The following ANO4 variants were observed in gnomAD, a reference collection of about 807,000 sequenced individuals.
ANO4 encodes anoctamin 4.
In ANO4, 69 loss-of-function variants were observed where a neutral mutation model predicts 141.9. The ratio of observed to expected loss-of-function variants is 0.49; its 90% CI spans 0.40 to 0.59. ANO4 has a LOEUF of 0.59. Ranked by LOEUF, ANO4 falls within the 20% of genes least tolerant of loss-of-function variation. ANO4 has a pLI of 0.00. For synonymous variants in ANO4, 350 were observed against 394.3 expected, an observed-to-expected ratio of 0.89 and a Z score of 1.33; for missense variants, 894 against 1,162.2, an observed-to-expected ratio of 0.77 and a Z score of 3.36.
intron 22 of ANO4, among the ~76,000 whole-genome samples, chr12:101,103,225 ATAT>A (rs1468339316): frequency 7.2e-4 from 78 of 107,662 alleles, no homozygotes; most frequent in African/African-American, 2.7e-3. Context: ...ATATATATAT[ATAT>A]ATCTTTTTGT....
chr12:100,717,714 G>A (rs1379951177), intron 1 of ANO4, among the ~76,000 whole-genome samples: 1 of 152,258 alleles, frequency 6.6e-6, no homozygotes, highest in Non-Finnish European at 1.5e-5. Context: ...TGTTCCGCGG[G>A]GTTTCGGGCC....
In ANO4 at chr12:101,111,712, TA is replaced by T; in HGVS notation, c.2450+4del. The T allele has an allele frequency of 6.3e-7, 1 of 1,587,256 alleles. No individual in the cohort carries two copies. The highest frequency in any genetic ancestry group is 8.5e-7 in the Non-Finnish European group (1 of 1,170,110). On this transcript the variant is annotated splice_donor_region_variant and intron_variant, in intron 24 of 27. Transcript: ENST00000392977. ...AGGCCAAGGAGAAGCTGGGCAAAAG[TA>T]AGTTTGCTATAAAACCACTATACAG...
intron 1 of ANO4, among the ~76,000 whole-genome samples, chr12:100,723,160 A>T (rs1329683603): frequency 6.6e-6 from 1 of 152,186 alleles, no homozygotes; most frequent in African/African-American, 2.4e-5. Flanking sequence ...AATTAAATTA[A>T]AAAATTTTTT....
At chr12:101,017,717 G>A (rs778576762) in intron 8 of ANO4, among the ~76,000 whole-genome samples, 1 of 152,176 alleles carries the variant, frequency 6.6e-6, no homozygotes, top group Non-Finnish European at 1.5e-5. Context: ...GCTCAGTGAC[G>A]TTGGGTGCAT....
chr12:100,905,751 C>T (rs1356352902), intron 2 of ANO4, among the ~76,000 whole-genome samples: 1 of 152,110 alleles, frequency 6.6e-6, no homozygotes, highest in Non-Finnish European at 1.5e-5. Flanking sequence ...AATAGCAGCT[C>T]TCCAGCAGAT....
At chr12:101,116,594 G>A in intron 24 of ANO4, 85 bp from the exon 25 acceptor site, 1 of 1,590,240 alleles carries the variant, frequency 6.3e-7, no homozygotes, top group Admixed American at 1.7e-5. Flanking sequence ...CAATTGCAGT[G>A]ACGTCTGGGA....
chr12:100,748,491 G>A (rs1457471287), intron 3 of ANO4, among the ~76,000 whole-genome samples: 1 of 152,218 alleles, frequency 6.6e-6, no homozygotes, highest in Non-Finnish European at 1.5e-5. Flanking sequence ...CTGTGGCACA[G>A]AGTAATGGAA....
In ANO4 at chr12:100,742,828, C is replaced by T. The variant is rs962696939; in HGVS notation, c.358+2723C>T. The stretch of plus-strand genomic sequence containing the variant: ...ATCCTATTCCATCATTCTTTCCCTT[C>T]ATTGTGTGACTAACTTCTATAGTAG... On this transcript the variant is annotated intron_variant, in intron 3 of 29. Transcript: ENST00000644049. Among the ~76,000 whole-genome samples, 18 of 152,292 alleles carry T rather than the reference C, an allele frequency of 1.2e-4. 1 individual carries two copies. The highest frequency in any genetic ancestry group is 4.6e-4 in the Admixed American group (7 of 15,300).
At chr12:101,068,470 T>A (rs772621036) in intron 14 of ANO4, 4 of 950,824 alleles carry the variant, frequency 4.2e-6, no homozygotes, top group Non-Finnish European at 6.9e-6. Context: ...TTTAGTGGCT[T>A]TCTTCTCACC....
At chr12:100,924,984 T>G (rs988587046) in intron 3 of ANO4, among the ~76,000 whole-genome samples, 1 of 152,094 alleles carries the variant, frequency 6.6e-6, no homozygotes, top group Non-Finnish European at 1.5e-5. Context: ...AATTTATGAG[T>G]ACTTAACAGA....
At chr12:101,083,883 C>T (rs2049381186) in intron 16 of ANO4, 65 bp downstream of exon 16, 1 of 1,367,204 alleles carries the variant, frequency 7.3e-7, no homozygotes, top group African/African-American at 1.5e-5. Flanking sequence ...TAACAGTAAT[C>T]ATATTGGGCA....
chr12:100,952,800 C>T (rs938394901), intron 5 of ANO4, among the ~76,000 whole-genome samples: 1 of 152,118 alleles, frequency 6.6e-6, no homozygotes, highest in Non-Finnish European at 1.5e-5. Context: ...CTCATTATTG[C>T]CTCAACTGCT....
intron 5 of ANO4, among the ~76,000 whole-genome samples, chr12:100,966,902 C>T (rs1275531697): frequency 6.7e-6 from 1 of 150,214 alleles, no homozygotes; most frequent in Non-Finnish European, 1.5e-5. Context: ...CACACACACA[C>T]ACATACATAT....
chr12:100,981,692 C>G (rs531194984), intron 7 of ANO4, among the ~76,000 whole-genome samples: 1 of 152,288 alleles, frequency 6.6e-6, no homozygotes, highest in Non-Finnish European at 1.5e-5. Flanking sequence ...TGTACAGTCC[C>G]TCCTGGGTTG....
At chr12:101,039,768 A>G (rs754159150) in intron 10 of ANO4, among the ~76,000 whole-genome samples, 187 bp from the exon 11 acceptor site, 1 of 152,198 alleles carries the variant, frequency 6.6e-6, no homozygotes, top group Non-Finnish European at 1.5e-5. Flanking sequence ...ATTTTACTAG[A>G]TATCAGCAGT....
chr12:100,718,684 A>T (rs1463583687), intron 1 of ANO4, among the ~76,000 whole-genome samples: 1 of 152,182 alleles, frequency 6.6e-6, no homozygotes, highest in Non-Finnish European at 1.5e-5. Flanking sequence ...TGAGCAGATT[A>T]CAAATTTCAG....
intron 1 of ANO4, among the ~76,000 whole-genome samples, chr12:100,823,371 G>GAAA (rs2036157989): frequency 6.6e-6 from 1 of 151,956 alleles, no homozygotes; most frequent in Non-Finnish European, 1.5e-5. Flanking sequence ...AAAAGGATTG[G>GAAA]TAAAATATCT....
intron 24 of ANO4, among the ~76,000 whole-genome samples, chr12:101,115,847 A>G (rs1325416784): frequency 3.3e-5 from 5 of 152,204 alleles, no homozygotes; most frequent in African/African-American, 1.2e-4. Flanking sequence ...TCCTCCAATC[A>G]GATCGATTCA....
At chr12:101,100,687 A>C (rs2050155414) in intron 22 of ANO4, among the ~76,000 whole-genome samples, 1 of 152,216 alleles carries the variant, frequency 6.6e-6, no homozygotes, top group African/African-American at 2.4e-5. Context: ...TAGTGCTCCA[A>C]ATCCTGAAGT....
Sources: gnomAD v4.1 joint callset for allele counts (sites outside exome capture counted in the v4.1 genomes callset) on GRCh38, gnomAD v4.1.1 for gene constraint, MANE v1.5 for transcripts, NCBI Gene and HGNC (gene_info 2026-07-23, HGNC 2026-07-21) for gene names.